Variants in CNBD1 observed in about 807,000 individuals in gnomAD.
CNBD1 encodes the protein cyclic nucleotide binding domain containing 1.
Under a neutral mutation model 54.4 loss-of-function variants are expected in CNBD1, and 71 were observed. The ratio of observed to expected loss-of-function variants is 1.30; its 90% confidence interval spans 1.08 to 1.59. The LOEUF is 1.59. Ranked by LOEUF, CNBD1 falls within the 40% of genes most tolerant of loss-of-function variation. The probability of loss-of-function intolerance (pLI) is 0.00; values close to 1 mark genes in which losing one functional copy is unlikely to be tolerated. For synonymous variants in CNBD1, 182 were observed against 170.7 expected, an observed-to-expected ratio of 1.07 and a Z score of -0.51; for missense variants, 659 against 518.0, an observed-to-expected ratio of 1.27 and a Z score of -2.64.
chr8:87,396,230 T>G (rs1260896346), intron 2 of CNBD1, among the ~76,000 whole-genome samples: 1 of 151,992 alleles, frequency 6.6e-6, no homozygotes, highest in Non-Finnish European at 1.5e-5. Flanking sequence ...TATGAGATAC[T>G]ACAGTCTTCT....
chr8:87,277,160 C>G (rs1468277158), intron 6 of CNBD1, among the ~76,000 whole-genome samples: 1 of 151,190 alleles, frequency 6.6e-6, no homozygotes, highest in Non-Finnish European at 1.5e-5. Context: ...GCTGGCAAGT[C>G]CAAAATCTGC....
At chr8:87,168,730 A>G (rs1353358442) in intron 4 of CNBD1, among the ~76,000 whole-genome samples, 1 of 152,062 alleles carries the variant, frequency 6.6e-6, no homozygotes, top group African/African-American at 2.4e-5. Flanking sequence ...AATGACCTCC[A>G]GTTCCATCCA....
chr8:87,299,672 T>C (rs1808946743), intron 8 of CNBD1, among the ~76,000 whole-genome samples: 1 of 152,202 alleles, frequency 6.6e-6, no homozygotes, highest in African/African-American at 2.4e-5. Context: ...TCAGTCCAAA[T>C]ACGAGACAGA....
intron 6 of CNBD1, among the ~76,000 whole-genome samples, chr8:87,255,266 G>A (rs2130842985): frequency 6.6e-6 from 1 of 152,228 alleles, no homozygotes; most frequent in East Asian, 1.9e-4. Context: ...GAGTGGCATG[G>A]AAGATTGAGA....
Position 87,066,785 on chromosome 8 carries a change from A to C in CNBD1, c.431+127031A>C, listed in dbSNP as rs1013502237. ...TATTTTGAAAACTAATAGTTTCAAA[A>C]ATTGTGATTAAAGTCATATGGATGT... On this transcript the variant is annotated intron_variant, in intron 4 of 10. Transcript: ENST00000518476. Among the ~76,000 whole-genome samples the C allele has an allele frequency of 3.9e-5, 6 of 151,984 alleles. No individual in the cohort carries two copies. The East Asian group carries it at 1.2e-3, about 29-fold the overall frequency.
intron 8 of CNBD1, among the ~76,000 whole-genome samples, chr8:87,341,585 A>G (rs1032672744): frequency 6.6e-6 from 1 of 152,184 alleles, no homozygotes; most frequent in Non-Finnish European, 1.5e-5. Context: ...AAGAGGTGGA[A>G]TGTTTAAGAA....
chr8:87,025,331 G>T (rs1262138831), intron 4 of CNBD1, among the ~76,000 whole-genome samples: 1 of 152,098 alleles, frequency 6.6e-6, no homozygotes, highest in South Asian at 2.1e-4. Context: ...TCTGTGGAAG[G>T]GTTGTTCTTT....
At chr8:87,344,754 G>A (rs772587369) in intron 8 of CNBD1, among the ~76,000 whole-genome samples, 7 of 152,050 alleles carry the variant, frequency 4.6e-5, no homozygotes, top group African/African-American at 1.4e-4. Flanking sequence ...GAGTGAATGC[G>A]TTGCATGGTA....
chr8:87,070,340 G>A (rs763029369), intron 4 of CNBD1, among the ~76,000 whole-genome samples: 6 of 152,030 alleles, frequency 3.9e-5, no homozygotes, highest in African/African-American at 9.7e-5. Flanking sequence ...GGGAAGAGGA[G>A]AAACCACCTT....
intron 1 of CNBD1, among the ~76,000 whole-genome samples, chr8:86,870,760 A>AC (rs1808432505): frequency 6.6e-6 from 1 of 152,190 alleles, no homozygotes; most frequent in Non-Finnish European, 1.5e-5. Flanking sequence ...TCAGTGACGA[A>AC]GAAAAACAGG....
rs566362792 is a variant in CNBD1, at chr8:86,954,562, G to C, written c.431+14808G>C. Among the ~76,000 whole-genome samples the C allele has an allele frequency of 5.3e-3, 549 of 103,536 alleles. 1 individual carries two copies. The highest frequency in any genetic ancestry group is 8.8e-3 in the Non-Finnish European group (465 of 52,636). The allele number at this position is 103,536 out of a possible 152,430, so 67.9% of individuals were successfully genotyped here. On this transcript the variant is annotated intron_variant, in intron 4 of 10. Coordinates refer to ENST00000518476, the MANE Select transcript of CNBD1 (RefSeq NM_173538.3). Reference sequence around the variant, plus strand: ...AACAATCCTTTAATCCTCTGAACGAGATGAAAATTTACATTCCGTGTTCTT... The same window carrying C: ...AACAATCCTTTAATCCTCTGAACGACATGAAAATTTACATTCCGTGTTCTT...
chr8:87,394,357 C>G (rs981469168), intron 2 of CNBD1, among the ~76,000 whole-genome samples: 1 of 151,894 alleles, frequency 6.6e-6, no homozygotes, highest in Non-Finnish European at 1.5e-5. Context: ...CACATATATT[C>G]AGGTCTATCT....
intron 4 of CNBD1, among the ~76,000 whole-genome samples, chr8:87,083,232 G>A (rs1046912994): frequency 4.6e-5 from 7 of 152,254 alleles, no homozygotes; most frequent in East Asian, 3.9e-4. Context: ...CTACTAAGCC[G>A]TCCTTTGTGG....
chr8:87,227,509 T>A (rs1814530970), intron 5 of CNBD1, among the ~76,000 whole-genome samples: 1 of 138,368 alleles, frequency 7.2e-6, no homozygotes, highest in African/African-American at 2.8e-5. Context: ...AAGCTTAGTT[T>A]GGCTGGATAT....
At chr8:86,911,960 A>C (rs1438477502) in intron 3 of CNBD1, among the ~76,000 whole-genome samples, 1 of 152,164 alleles carries the variant, frequency 6.6e-6, no homozygotes, top group Admixed American at 6.5e-5. Flanking sequence ...TGATGAAAAA[A>C]ATTAAAGAGG....
chr8:86,874,938 C>A (rs1266738068), intron 1 of CNBD1, among the ~76,000 whole-genome samples: 1 of 145,966 alleles, frequency 6.9e-6, no homozygotes, highest in Middle Eastern at 3.4e-3. Context: ...TCTCAGTGGA[C>A]AGATCTAGGG....
chr8:87,057,715 G>T (rs570987647), intron 4 of CNBD1, among the ~76,000 whole-genome samples: 6 of 152,220 alleles, frequency 3.9e-5, no homozygotes, highest in Admixed American at 1.3e-4. Context: ...TGGGCATGGT[G>T]GTACATACCT....
At chr8:86,997,549 A>G (rs1477371262) in intron 4 of CNBD1, among the ~76,000 whole-genome samples, 1 of 152,182 alleles carries the variant, frequency 6.6e-6, no homozygotes, top group African/African-American at 2.4e-5. Flanking sequence ...TCAGAGAAAT[A>G]TCACCTCTGA....
intron 3 of CNBD1, among the ~76,000 whole-genome samples, chr8:86,912,649 T>C (rs1366537870): frequency 6.6e-6 from 1 of 152,210 alleles, no homozygotes; most frequent in Non-Finnish European, 1.5e-5. Context: ...GACTATATTA[T>C]TTATGTATTT....
Sources: gnomAD v4.1 joint callset for allele counts (sites outside exome capture counted in the v4.1 genomes callset) on GRCh38, gnomAD v4.1.1 for gene constraint, MANE v1.5 for transcripts, NCBI Gene and HGNC (gene_info 2026-07-23, HGNC 2026-07-21) for gene names.